SHANK2: variants seen among roughly 807,000 people sequenced by gnomAD.
The protein encoded by SHANK2 is SH3 and multiple ankyrin repeat domains 2.
A neutral mutation model predicts 133.7 loss-of-function variants in SHANK2; 43 were observed. The observed-to-expected ratio is 0.32, with a 90% CI of 0.25 to 0.41. The LOEUF is 0.41. Among genes scored for constraint, SHANK2 ranks in the 10% least tolerant of loss-of-function variants. The pLI, the probability that SHANK2 is intolerant of heterozygous loss-of-function variation, is 1.00. For missense variants in SHANK2, 1,994 were observed against 2,235.8 expected (o/e 0.89, Z 2.18); for synonymous variants, 1,017 against 952.8 (o/e 1.07, Z -1.24).
chr11:70,541,981 G>A (rs1210407110), intron 17 of SHANK2, among the ~76,000 whole-genome samples: 1 of 152,224 alleles, frequency 6.6e-6, no homozygotes, highest in African/African-American at 2.4e-5. Context: ...CGTGACAGTG[G>A]CTAGAGGGGG....
intron 14 of SHANK2, among the ~76,000 whole-genome samples, chr11:70,719,613 C>T (rs985142998): frequency 5.3e-5 from 8 of 151,976 alleles, no homozygotes; most frequent in African/African-American, 9.7e-5. Context: ...ATGGGCAAAT[C>T]GGAGGGTCAT....
chr11:70,542,571 C>T (rs914949899), intron 17 of SHANK2, among the ~76,000 whole-genome samples: 10 of 152,300 alleles, frequency 6.6e-5, no homozygotes, highest in East Asian at 1.9e-4. Flanking sequence ...TTATGGGACA[C>T]GGCCATAGCC....
intron 17 of SHANK2, among the ~76,000 whole-genome samples, chr11:70,605,951 C>T (rs375210126): frequency 4.1e-4 from 62 of 152,192 alleles, no homozygotes; most frequent in African/African-American, 1.5e-3. Context: ...CTATTATTCC[C>T]CCCCCTCCTT....
chr11:70,732,089 C>A (rs1174895218), intron 14 of SHANK2, among the ~76,000 whole-genome samples: 1 of 152,198 alleles, frequency 6.6e-6, no homozygotes, highest in African/African-American at 2.4e-5. Flanking sequence ...TGCCATCAGA[C>A]TCCTGTGGCC....
At chr11:70,660,035 G>T (rs957987097) in intron 16 of SHANK2, 83 bp from the exon 17 acceptor site, 9 of 1,578,740 alleles carry the variant, frequency 5.7e-6, no homozygotes, top group Admixed American at 3.4e-5. Context: ...CAGGACCCCG[G>T]GAGGAAGTGG....
chr11:70,743,003 G>T (rs1398804880), intron 14 of SHANK2, among the ~76,000 whole-genome samples: 2 of 152,218 alleles, frequency 1.3e-5, no homozygotes, highest in African/African-American at 4.8e-5. Context: ...TGCATATTTT[G>T]CTGAACACAC....
chr11:70,742,913 C>T (rs987696113), intron 14 of SHANK2, among the ~76,000 whole-genome samples: 20 of 152,338 alleles, frequency 1.3e-4, no homozygotes, highest in African/African-American at 3.8e-4. Context: ...ACACCTCTGA[C>T]GCCTTGCACA....
chr11:71,087,431 A>T (rs1233289657), intron 8 of SHANK2, among the ~76,000 whole-genome samples: 1 of 152,186 alleles, frequency 6.6e-6, no homozygotes, highest in Non-Finnish European at 1.5e-5. Context: ...TGGCGGCTGG[A>T]TTCAGGACTC....
At chr11:70,592,218 C>A (rs1399208620) in intron 17 of SHANK2, among the ~76,000 whole-genome samples, 1 of 152,078 alleles carries the variant, frequency 6.6e-6, no homozygotes, top group African/African-American at 2.4e-5. Context: ...CTCCGTCTTC[C>A]CTCTGCACGC....
chr11:71,210,558 T>C (rs1358186171), intron 2 of SHANK2, among the ~76,000 whole-genome samples: 2 of 151,908 alleles, frequency 1.3e-5, no homozygotes, highest in South Asian at 2.1e-4. Context: ...CCCAGATACA[T>C]ATTTATATTC....
intron 17 of SHANK2, among the ~76,000 whole-genome samples, chr11:70,632,210 C>T (rs1327532342): frequency 6.6e-6 from 1 of 152,148 alleles, no homozygotes; most frequent in Non-Finnish European, 1.5e-5. Flanking sequence ...CAAGCTCTGC[C>T]TCCCGGGTTC....
At chr11:71,168,028 C>T (rs1444238823) in intron 2 of SHANK2, among the ~76,000 whole-genome samples, 4 of 134,306 alleles carry the variant, frequency 3.0e-5, no homozygotes, top group East Asian at 2.1e-4. Flanking sequence ...ACTTCTCAGA[C>T]GGGGCGGCTG....
At chr11:70,570,983 C>T (rs1228591869) in intron 17 of SHANK2, among the ~76,000 whole-genome samples, 1 of 152,144 alleles carries the variant, frequency 6.6e-6, no homozygotes, top group Admixed American at 6.5e-5. Flanking sequence ...CACTCCTGTG[C>T]GGTGGTGTTC....
chr11:70,835,339 C>T (rs567151002), intron 11 of SHANK2, among the ~76,000 whole-genome samples: 25 of 152,308 alleles, frequency 1.6e-4, no homozygotes, highest in Non-Finnish European at 8.8e-5. Context: ...TGTGCTGAGA[C>T]GTGCTCCGCC....
rs1369342914 is a variant in SHANK2 at position 70,570,080 on chromosome 11, C to T, written c.2062-67149G>A. ...TGTTCGGTTGGGCCTCATAAGCTGT[C>T]GCTACCTGACTGTTTTTTGACCTAT... On this transcript the variant is annotated intron_variant, in intron 17 of 25. Coordinates refer to ENST00000601538, the MANE Select transcript of SHANK2 (RefSeq NM_012309.5). 2.6e-5 allele frequency among the ~76,000 whole-genome samples: 4 copies of T among 152,306 alleles called. No homozygotes were observed. In the South Asian group the frequency reaches 6.2e-4, roughly 24 times the overall value.
At chr11:71,116,904 T>A (rs144545089) in intron 4 of SHANK2, among the ~76,000 whole-genome samples, 51 of 152,340 alleles carry the variant, frequency 3.3e-4, no homozygotes, top group African/African-American at 1.2e-3. Flanking sequence ...CCTTCTGCCA[T>A]GAGAACAAGC....
intron 14 of SHANK2, among the ~76,000 whole-genome samples, chr11:70,774,705 A>G (rs1482212653): frequency 3.3e-5 from 5 of 152,204 alleles, no homozygotes; most frequent in Non-Finnish European, 4.4e-5. Context: ...AATCTCGTGA[A>G]TATGCAAAAA....
chr11:70,510,684 C>T (rs1554969170), intron 17 of SHANK2, among the ~76,000 whole-genome samples: 1 of 152,170 alleles, frequency 6.6e-6, no homozygotes, highest in African/African-American at 2.4e-5. Context: ...GGGCCCATGT[C>T]ACTGTCTTCT....
intron 10 of SHANK2, among the ~76,000 whole-genome samples, chr11:70,934,433 C>A (rs1565414648): frequency 6.6e-6 from 1 of 152,128 alleles, no homozygotes; most frequent in African/African-American, 2.4e-5. Context: ...CAGGGTGCAG[C>A]CTCAAACACA....
Sources: gnomAD v4.1 joint callset for allele counts (sites outside exome capture counted in the v4.1 genomes callset) on GRCh38, gnomAD v4.1.1 for gene constraint, MANE v1.5 for transcripts, NCBI Gene and HGNC (gene_info 2026-07-23, HGNC 2026-07-21) for gene names.